Variants in MEI4 observed in about 807,000 individuals in gnomAD.
MEI4 encodes the protein meiotic double-stranded break formation protein 4.
A neutral mutation model predicts 31.4 loss-of-function variants in MEI4; 27 were observed. That is an observed-to-expected ratio of 0.86 (90% confidence interval 0.63 to 1.19). The LOEUF (loss-of-function observed/expected upper bound fraction) is 1.19, where lower values mean the gene tolerates loss of function less well. Ranked by LOEUF, MEI4 falls within the 50% of genes most tolerant of loss-of-function variation. The pLI is 0.00. For missense variants in MEI4, 329 were observed against 398.9 expected (o/e 0.82, Z 1.49); for synonymous variants, 122 against 145.4 (o/e 0.84, Z 1.16).
At chr6:77,907,526 C>A (rs1044303691) in intron 4 of MEI4, among the ~76,000 whole-genome samples, 1 of 152,142 alleles carries the variant, frequency 6.6e-6, no homozygotes, top group African/African-American at 2.4e-5. Flanking sequence ...TTTTCTTAAT[C>A]CAGTCTATCA....
chr6:77,872,912 A>G (rs1376855595), intron 4 of MEI4, among the ~76,000 whole-genome samples: 2 of 151,428 alleles, frequency 1.3e-5, no homozygotes, highest in Non-Finnish European at 2.9e-5. Context: ...ACATGAACTC[A>G]TCATTTTTTA....
intron 2 of MEI4, among the ~76,000 whole-genome samples, chr6:77,744,286 A>T (rs1355123449): frequency 3.9e-5 from 6 of 152,330 alleles, no homozygotes; most frequent in African/African-American, 1.4e-4. Flanking sequence ...GAGCTGATGG[A>T]GCTGAAAGCC....
intron 1 of MEI4, among the ~76,000 whole-genome samples, chr6:77,665,319 A>G (rs1768606123): frequency 1.3e-5 from 2 of 151,942 alleles, no homozygotes; most frequent in African/African-American, 4.8e-5. Flanking sequence ...ACTAAGGGTG[A>G]AAGATAAGGG....
At chr6:77,887,074 T>C (rs978780027) in intron 4 of MEI4, among the ~76,000 whole-genome samples, 2 of 152,050 alleles carry the variant, frequency 1.3e-5, no homozygotes, top group African/African-American at 4.8e-5. Flanking sequence ...TTTTCTACTT[T>C]TTGAGGTAAA....
chr6:77,897,668 C>A (rs1490585327), intron 4 of MEI4, among the ~76,000 whole-genome samples: 1 of 151,930 alleles, frequency 6.6e-6, no homozygotes, highest in African/African-American at 2.4e-5. Flanking sequence ...TAGACATAAA[C>A]CCTTTAGAAC....
rs1766852353 is a variant in MEI4 at position 77,926,717 on chromosome 6, C to A, written c.*3371C>A. 1 of 151,872 alleles carries A rather than the reference C, an allele frequency of 6.6e-6. No individual in the cohort carries two copies. Among genetic ancestry groups the A allele is most frequent in the Non-Finnish European group, 1.5e-5 (1 of 67,924 alleles). The allele number at this position is 151,872 out of a possible 1,614,324, so 9.4% of individuals were successfully genotyped here. ...TCAAATATGAAGCACCAATTGTCTA[C>A]AAACCAATTATTTGCAAAAATAAAA... On this transcript the variant is annotated 3_prime_UTR_variant, in exon 5 of 5. Transcript: ENST00000684080.
intron 3 of MEI4, among the ~76,000 whole-genome samples, chr6:77,792,657 A>G (rs9343660): frequency 0.55 from 83,495 of 151,766 alleles, 25,142 homozygotes; most frequent in African/African-American, 0.79. Flanking sequence ...TTTGTATATG[A>G]TGTGAGATAA....
chr6:77,658,994 C>G (rs1581995789), intron 1 of MEI4, among the ~76,000 whole-genome samples: 1 of 152,196 alleles, frequency 6.6e-6, no homozygotes, highest in East Asian at 1.9e-4. Flanking sequence ...GTGAGTAAGT[C>G]AAGGCCTCGG....
chr6:77,923,016 G>C, intron 4 of MEI4, 73 bp from the exon 5 acceptor site: 1 of 927,342 alleles, frequency 1.1e-6, no homozygotes. Flanking sequence ...CTGAAACTCT[G>C]ATATCTTTAT....
intron 4 of MEI4, among the ~76,000 whole-genome samples, chr6:77,868,499 CTACATATATATATATATA>C (rs1360846675): frequency 3.2e-5 from 2 of 61,770 alleles, no homozygotes; most frequent in African/African-American, 5.8e-5. Context: ...GTAAAAAATA[CTACATATATATATATATA>C]TATATATATA....
intron 2 of MEI4, among the ~76,000 whole-genome samples, chr6:77,695,930 T>G (rs1766023568): frequency 6.6e-6 from 1 of 152,184 alleles, no homozygotes; most frequent in African/African-American, 2.4e-5. Context: ...TGTGTCCTCT[T>G]TTACTTCATT....
chr6:77,698,834 G>A (rs1467982908), intron 2 of MEI4, among the ~76,000 whole-genome samples: 1 of 152,148 alleles, frequency 6.6e-6, no homozygotes, highest in Non-Finnish European at 1.5e-5. Flanking sequence ...GATTGGGGAA[G>A]TTCTCCTGGA....
intron 3 of MEI4, among the ~76,000 whole-genome samples, chr6:77,784,987 T>G (rs1768694880): frequency 1.3e-5 from 2 of 152,164 alleles, no homozygotes; most frequent in East Asian, 3.9e-4. Flanking sequence ...ATTAGAAGTT[T>G]GCCGGTATGC....
intron 4 of MEI4, among the ~76,000 whole-genome samples, chr6:77,835,582 T>A (rs1329082874): frequency 6.6e-6 from 1 of 152,020 alleles, no homozygotes; most frequent in Non-Finnish European, 1.5e-5. Context: ...AATATCTTTT[T>A]AAAAATTACC....
At chr6:77,893,630 G>A (rs1352786808) in intron 4 of MEI4, among the ~76,000 whole-genome samples, 1 of 152,150 alleles carries the variant, frequency 6.6e-6, no homozygotes, top group Admixed American at 6.5e-5. Flanking sequence ...TAGCCACTAA[G>A]GAAGTGTTAT....
chr6:77,834,776 CA>C (rs1400848527), intron 4 of MEI4, among the ~76,000 whole-genome samples: 5 of 152,262 alleles, frequency 3.3e-5, no homozygotes, highest in African/African-American at 1.2e-4. Context: ...AGGCCTAAAG[CA>C]AACAGCATTT....
chr6:77,716,778 C>A (rs1038016851), intron 2 of MEI4: 1 of 538,898 alleles, frequency 1.9e-6, no homozygotes, highest in Non-Finnish European at 2.4e-6. Context: ...TTTTCTGGAA[C>A]AGAAAACCAA....
At chr6:77,767,660 G>A (rs1434754528) in intron 3 of MEI4, among the ~76,000 whole-genome samples, 1 of 151,246 alleles carries the variant, frequency 6.6e-6, no homozygotes, top group Non-Finnish European at 1.5e-5. Flanking sequence ...TCACATGAGA[G>A]CACTCTAGCC....
chr6:77,761,369 C>T lies in MEI4; in HGVS notation c.472C>T (p.Leu158Phe), dbSNP rs1440026668. ...SSHMQFLQYLLELKNLTESGN... is the reference protein window; with the variant it reads ...SSHMQFLQYLFELKNLTESGN... The stretch of plus-strand genomic sequence containing the variant: ...TCACATGCAATTCTTGCAATATCTA[C>T]TTGAATTAAAGAACTTGACAGAATC... Residue 158 changes from leucine to phenylalanine, a missense_variant, in exon 3 of 5, where the codon CTT becomes TTT. Physicochemically the swap from Leu to Phe is conservative, Grantham distance 22. Transcript: ENST00000684080. 2 of 1,232,232 alleles carry T rather than the reference C, an allele frequency of 1.6e-6. No individual in the cohort carries two copies. The highest frequency in any genetic ancestry group is 2.0e-6 in the Non-Finnish European group (2 of 987,996). 76.3% of individuals were successfully genotyped at this position (1,232,232 alleles called of 1,614,324 possible).
Sources: allele counts gnomAD v4.1 joint callset (sites outside exome capture counted in the v4.1 genomes callset), GRCh38; gene constraint gnomAD v4.1.1; transcripts MANE v1.5; gene names NCBI Gene and HGNC (gene_info 2026-07-23, HGNC 2026-07-21).